CCM2: variants seen among roughly 807,000 people sequenced by gnomAD.
The protein encoded by CCM2 is cerebral cavernous malformations 2 protein.
Under a neutral mutation model 44.9 loss-of-function variants are expected in CCM2, and 25 were observed. The ratio of observed to expected loss-of-function variants is 0.56; its 90% CI spans 0.41 to 0.78. The LOEUF (loss-of-function observed/expected upper bound fraction) is 0.78, where lower values mean the gene tolerates loss of function less well. CCM2 is among the 30% of genes least tolerant of loss of function. CCM2 has a pLI of 0.00. For synonymous variants in CCM2, 219 were observed against 241.1 expected (o/e 0.91, Z 0.85); for missense variants, 481 against 580.6 (o/e 0.83, Z 1.76).
chr7:44,999,782 A>G, upstream of CCM2: 1 of 451,168 alleles, frequency 2.2e-6, no homozygotes, highest in Non-Finnish European at 4.4e-6. Flanking sequence ...ATGGCGGCAA[A>G]TTGAAAAAGT....
chr7:45,012,588 C>T (rs1009383112), intron 1 of CCM2, among the ~76,000 whole-genome samples: 17 of 152,264 alleles, frequency 1.1e-4, no homozygotes, highest in Admixed American at 7.2e-4. Flanking sequence ...AAGAGTCTCG[C>T]TCTGTCGCCG....
At chr7:45,024,276 T>C (rs1796602479) in intron 1 of CCM2, among the ~76,000 whole-genome samples, 1 of 152,218 alleles carries the variant, frequency 6.6e-6, no homozygotes, top group South Asian at 2.1e-4. Context: ...CATTCAGCAG[T>C]CAGTCAAACA....
At chr7:45,021,957 A>G (rs1796499213) in intron 1 of CCM2, among the ~76,000 whole-genome samples, 1 of 152,210 alleles carries the variant, frequency 6.6e-6, no homozygotes, top group Non-Finnish European at 1.5e-5. Context: ...GTATAAAGTT[A>G]AAGAACTTAA....
intron 9 of CCM2, among the ~76,000 whole-genome samples, chr7:45,074,903 A>G (rs988699242): frequency 6.6e-6 from 1 of 152,312 alleles, no homozygotes; most frequent in Admixed American, 6.5e-5. Context: ...TGTTGGCCCC[A>G]CACCTCTCAG....
chr7:45,057,808 G>A (rs975976480), intron 2 of CCM2, among the ~76,000 whole-genome samples: 1 of 152,114 alleles, frequency 6.6e-6, no homozygotes, highest in East Asian at 1.9e-4. Flanking sequence ...ACATACTTTT[G>A]CATTCTTCCC....
Position 45,009,445 on chromosome 7 carries a change from C to T in CCM2, c.30+9082C>T, listed in dbSNP as rs1173567918. On this transcript the variant is annotated intron_variant, in intron 1 of 9. Coordinates refer to ENST00000258781, the MANE Select transcript of CCM2 (RefSeq NM_031443.4). ...TTTGAGACGGAGTCTCACTCTGTCA[C>T]CTAGGATGGAGTGCAATGGCGTGAT... is the stretch of plus-strand genomic sequence containing the variant. 2.2e-5 allele frequency among the ~76,000 whole-genome samples: 3 copies of T among 138,956 alleles called. No homozygotes were observed. In the South Asian group the frequency reaches 7.2e-4, roughly 34 times the overall value. 91.2% of individuals were successfully genotyped at this position (138,956 alleles called of 152,430 possible).
intron 1 of CCM2, among the ~76,000 whole-genome samples, chr7:45,034,377 A>C (rs1797111409): frequency 6.6e-6 from 1 of 151,880 alleles, no homozygotes; most frequent in Non-Finnish European, 1.5e-5. Flanking sequence ...ACACCCAGCT[A>C]ATTTTTGGTA....
intron 8 of CCM2, chr7:45,073,892 A>AT (rs984548243): frequency 1.9e-6 from 1 of 527,284 alleles, no homozygotes; most frequent in Non-Finnish European, 3.4e-6. Context: ...TCCCCATCTT[A>AT]TATAGTTCTG....
Position 45,073,542 on chromosome 7 carries a change from A to T in CCM2, c.886A>T (p.Thr296Ser), listed in dbSNP as rs557189825. The change falls in exon 8 of 10, where the codon ACT becomes TCT. Residue 296 changes from threonine (T) to serine (S), a missense_variant. By Grantham distance (58) the Thr-to-Ser change is moderately conservative. Transcript: ENST00000258781. ...ISESELSASA[T>S]ELLQDYMLTL... ...TGAGAGCGAGCTGAGCGCCAGCGCC[A>T]CTGAGCTGCTGCAGGACTACATGCT... 4 of 1,612,390 alleles carry T rather than the reference A, an allele frequency of 2.5e-6. No homozygotes were observed. In the South Asian group the frequency reaches 4.4e-5, roughly 18 times the overall value.
chr7:45,022,763 C>T (rs776529985), intron 1 of CCM2, among the ~76,000 whole-genome samples: 5 of 150,540 alleles, frequency 3.3e-5, no homozygotes, highest in Non-Finnish European at 3.0e-5. Context: ...TTTTTTGAGA[C>T]GGAGTCTCAT....
intron 1 of CCM2, among the ~76,000 whole-genome samples, chr7:45,017,631 T>C (rs1013358589): frequency 1.3e-5 from 2 of 152,216 alleles, no homozygotes; most frequent in African/African-American, 4.8e-5. Flanking sequence ...GTGTCTTTTT[T>C]TCCCCATGAT....
rs1796748961 is a variant in CCM2 at position 45,027,640 on chromosome 7, G to GT, written c.31-10606dup. On this transcript the variant is annotated intron_variant, in intron 1 of 9. Coordinates refer to ENST00000258781, the MANE Select transcript of CCM2 (RefSeq NM_031443.4). Reference sequence around the variant, plus strand: ...GTTTCTGGTCTTCCTGTTCAGTCATGTTTTTTTCAGAGGGAGGGCTAACAT... The same window carrying GT: ...GTTTCTGGTCTTCCTGTTCAGTCATGTTTTTTTTCAGAGGGAGGGCTAACAT... 27 of 1,613,320 alleles carry GT rather than the reference G, an allele frequency of 1.7e-5. 1 individual carries two copies. Among genetic ancestry groups the GT allele is most frequent in the Non-Finnish European group, 1.8e-5 (21 of 1,179,706 alleles).
intron 1 of CCM2, among the ~76,000 whole-genome samples, chr7:45,033,130 C>G (rs1489399618): frequency 1.4e-5 from 2 of 144,724 alleles, no homozygotes; most frequent in African/African-American, 5.1e-5. Flanking sequence ...TGATGTGATG[C>G]TTGGGCAATA....
chr7:45,040,985 G>T (rs572102420), intron 2 of CCM2, among the ~76,000 whole-genome samples: 3 of 152,096 alleles, frequency 2.0e-5, no homozygotes, highest in African/African-American at 7.2e-5. Context: ...GTGAGACGCG[G>T]TCTTCAAAAA....
intron 1 of CCM2, among the ~76,000 whole-genome samples, chr7:45,015,300 T>C (rs1265623659): frequency 6.6e-6 from 1 of 152,196 alleles, no homozygotes; most frequent in Non-Finnish European, 1.5e-5. Flanking sequence ...CCTGTTTTCT[T>C]CAGTGTATTT....
intron 1 of CCM2, among the ~76,000 whole-genome samples, chr7:45,002,145 ATCATTC>A (rs1229442139): frequency 6.6e-6 from 1 of 152,238 alleles, no homozygotes; most frequent in East Asian, 1.9e-4. Context: ...CGGTGGTTAA[ATCATTC>A]TCATTAAGGT....
chr7:45,010,040 G>T (rs982888170), intron 1 of CCM2, among the ~76,000 whole-genome samples: 5 of 151,878 alleles, frequency 3.3e-5, no homozygotes, highest in African/African-American at 9.7e-5. Flanking sequence ...CTCCTCAGTA[G>T]CTAGGACTAA....
chr7:45,048,274 A>G (rs754584672), intron 2 of CCM2, among the ~76,000 whole-genome samples: 7 of 152,232 alleles, frequency 4.6e-5, no homozygotes, highest in East Asian at 1.9e-4. Context: ...TATACATTTC[A>G]TAAAATAAAA....
intron 1 of CCM2, among the ~76,000 whole-genome samples, chr7:45,005,934 C>G (rs1266289814): frequency 6.6e-6 from 1 of 152,194 alleles, no homozygotes; most frequent in Non-Finnish European, 1.5e-5. Flanking sequence ...GTTCTGTATG[C>G]ACTTGAAGCC....
Sources: gnomAD v4.1 joint callset for allele counts (sites outside exome capture counted in the v4.1 genomes callset) on GRCh38, gnomAD v4.1.1 for gene constraint, MANE v1.5 for transcripts, NCBI Gene and HGNC (gene_info 2026-07-23, HGNC 2026-07-21) for gene names.